SPIDR: variants seen among roughly 807,000 people sequenced by gnomAD.
SPIDR encodes the protein DNA repair-scaffolding protein.
Under a neutral mutation model 104.6 loss-of-function variants are expected in SPIDR, and 93 were observed. The ratio of observed to expected loss-of-function variants is 0.89; its 90% CI spans 0.75 to 1.06. The LOEUF (loss-of-function observed/expected upper bound fraction) is 1.06. SPIDR is among the 50% of genes least tolerant of loss of function. SPIDR has a pLI of 0.00. For missense variants in SPIDR, 1,154 were observed against 1,111.2 expected (o/e 1.04, Z -0.55); for synonymous variants, 431 against 416.9 (o/e 1.03, Z -0.41).
At chr8:47,714,603 T>A (rs2082315362) in intron 16 of SPIDR, among the ~76,000 whole-genome samples, 4 of 152,242 alleles carry the variant, frequency 2.6e-5, no homozygotes, top group African/African-American at 9.6e-5. Context: ...GTCCCCGGCT[T>A]CCTGCCTGTG....
chr8:47,624,563 C>G (rs901528702), intron 10 of SPIDR, among the ~76,000 whole-genome samples: 4 of 151,554 alleles, frequency 2.6e-5, no homozygotes, highest in African/African-American at 9.7e-5. Context: ...ATATCACCAC[C>G]GATCCCACAG....
chr8:47,438,896 G>A (rs1182104654), intron 7 of SPIDR, among the ~76,000 whole-genome samples: 2 of 152,116 alleles, frequency 1.3e-5, no homozygotes, highest in African/African-American at 4.8e-5. Flanking sequence ...GAGGGAGAAA[G>A]AAATAGATGA....
rs139331110 is a variant in SPIDR at position 47,440,329 on chromosome 8, A to C, written c.884A>C (p.Lys295Thr). ...TCTTTTCTTCAACTTCTAGGTAGAA[A>C]ATCTGGTGTATTAACTGTGAAAATT... ...ISYQKTLSGRKSGVLTVKILE... is the reference protein window; with the variant it reads ...ISYQKTLSGRTSGVLTVKILE... Residue 295 changes from lysine (K) to threonine (T), a missense_variant, in exon 8 of 20, where the codon AAA becomes ACA. Lys to Thr is a moderately conservative substitution (Grantham distance 78, BLOSUM62 -1). Transcript: ENST00000297423. The C allele has an allele frequency of 1.6e-4, 260 of 1,613,922 alleles. No homozygotes were observed. The African/African-American group carries it at 3.2e-3, about 20-fold the overall frequency.
intron 5 of SPIDR, among the ~76,000 whole-genome samples, chr8:47,343,744 T>C (rs1587367594): frequency 6.6e-6 from 1 of 152,162 alleles, no homozygotes; most frequent in African/African-American, 2.4e-5. Context: ...CCTGGGCTTC[T>C]CCTGCCAGTC....
chr8:47,447,519 C>T (rs995881838), intron 8 of SPIDR, among the ~76,000 whole-genome samples: 4 of 152,214 alleles, frequency 2.6e-5, no homozygotes, highest in South Asian at 4.1e-4. Flanking sequence ...TGGCCAGAAA[C>T]GGGTTTCTTT....
At chr8:47,353,206 G>C (rs187538376) in intron 5 of SPIDR, among the ~76,000 whole-genome samples, 18 of 152,158 alleles carry the variant, frequency 1.2e-4, no homozygotes, top group African/African-American at 4.3e-4. Context: ...TTTTCTGAAA[G>C]TGTGTAGACT....
At chr8:47,603,690 AC>A (rs892797041) in intron 10 of SPIDR, among the ~76,000 whole-genome samples, 4 of 151,896 alleles carry the variant, frequency 2.6e-5, no homozygotes, top group African/African-American at 9.7e-5. Context: ...GAGCCACCAT[AC>A]CCGGCCAACT....
At chr8:47,664,302 G>A (rs1401347507) in intron 10 of SPIDR, among the ~76,000 whole-genome samples, 2 of 152,298 alleles carry the variant, frequency 1.3e-5, no homozygotes, top group South Asian at 2.1e-4. Context: ...GAAGACTAGT[G>A]GGGGTAGGTG....
chr8:47,294,770 A>G (rs1385589100), intron 5 of SPIDR, among the ~76,000 whole-genome samples: 1 of 152,158 alleles, frequency 6.6e-6, no homozygotes, highest in Non-Finnish European at 1.5e-5. Flanking sequence ...AGCTGGTCCT[A>G]CAGGCATGTG....
At chr8:47,486,515 C>T (rs1464112237) in intron 8 of SPIDR, among the ~76,000 whole-genome samples, 1 of 152,132 alleles carries the variant, frequency 6.6e-6, no homozygotes, top group Non-Finnish European at 1.5e-5. Flanking sequence ...CAAAGATACT[C>T]CTCGAGAAGA....
At chr8:47,360,103 G>T (rs1039662354) in intron 5 of SPIDR, among the ~76,000 whole-genome samples, 3 of 151,938 alleles carry the variant, frequency 2.0e-5, no homozygotes, top group Middle Eastern at 3.4e-3. Flanking sequence ...TTAGCTGGGC[G>T]TGGTGGCGGG....
At chr8:47,666,361 A>G (rs558208161) in intron 10 of SPIDR, among the ~76,000 whole-genome samples, 1 of 152,326 alleles carries the variant, frequency 6.6e-6, no homozygotes, top group Admixed American at 6.5e-5. Flanking sequence ...CTGATGATCT[A>G]TTCCTTATTG....
At chr8:47,707,484 A>G (rs1036490588) in intron 14 of SPIDR, among the ~76,000 whole-genome samples, 1 of 152,202 alleles carries the variant, frequency 6.6e-6, no homozygotes, top group Non-Finnish European at 1.5e-5. Context: ...TTTTTTAAAT[A>G]CAAAACCTTT....
rs984340452 is a variant in SPIDR, at chr8:47,598,996, C to G, written c.1344C>G (p.His448Gln). The stretch of plus-strand genomic sequence containing the variant: ...CAGGGACAGCCTGGACCCATGGGCA[C>G]AAAGAAGCAAAACAGCGCATCCCAA... ...ATTGTAWTHG[H>Q]KEAKQRIPTS... The change falls in exon 10 of 20, where the codon CAC becomes CAG. Residue 448 changes from histidine (H) to glutamine (Q), a missense_variant. His to Gln is a conservative substitution (Grantham distance 24). Transcript: ENST00000297423. 6.2e-7 allele frequency: 1 copy of G among 1,613,788 alleles called. No homozygotes were observed. Among genetic ancestry groups the G allele is most frequent in the African/African-American group, 1.3e-5 (1 of 75,018 alleles).
chr8:47,306,074 T>C (rs1207610386), intron 5 of SPIDR, among the ~76,000 whole-genome samples: 1 of 152,238 alleles, frequency 6.6e-6, no homozygotes, highest in Non-Finnish European at 1.5e-5. Flanking sequence ...CATACAGTAT[T>C]TGTTTTTCTG....
intron 10 of SPIDR, among the ~76,000 whole-genome samples, chr8:47,633,712 A>G (rs1362521623): frequency 2.6e-5 from 4 of 152,130 alleles, no homozygotes; most frequent in Non-Finnish European, 5.9e-5. Flanking sequence ...TGCATTCCTC[A>G]TCACCCTCAG....
intron 19 of SPIDR, chr8:47,732,212 C>T (rs1563695975): frequency 5.7e-6 from 4 of 702,528 alleles, no homozygotes; most frequent in Non-Finnish European, 1.0e-5. Flanking sequence ...TCCTCCTACA[C>T]ATTTAACTTG....
chr8:47,655,607 T>C (rs2072614521), intron 10 of SPIDR, among the ~76,000 whole-genome samples: 1 of 152,224 alleles, frequency 6.6e-6, no homozygotes, highest in Admixed American at 6.5e-5. Context: ...TGGAGTTCAT[T>C]GTAGATTCTG....
At chr8:47,502,576 T>C (rs2080702120) in intron 8 of SPIDR, among the ~76,000 whole-genome samples, 1 of 152,232 alleles carries the variant, frequency 6.6e-6, no homozygotes, top group Admixed American at 6.5e-5. Flanking sequence ...TGTTGATCTT[T>C]TCAAAACCCA....
Sources: gnomAD v4.1 joint callset for allele counts (sites outside exome capture counted in the v4.1 genomes callset) on GRCh38, gnomAD v4.1.1 for gene constraint, MANE v1.5 for transcripts, NCBI Gene and HGNC (gene_info 2026-07-23, HGNC 2026-07-21) for gene names.